Variants in ROBO1 observed in about 807,000 individuals in gnomAD.
ROBO1 encodes roundabout guidance receptor 1.
ROBO1 carries 149 observed loss-of-function variants against 195.9 expected under a neutral mutation model. The ratio of observed to expected loss-of-function variants is 0.76; its 90% CI spans 0.67 to 0.87. ROBO1 has a LOEUF of 0.87. Ranked by LOEUF, ROBO1 falls within the 40% of genes least tolerant of loss-of-function variation. The probability of loss-of-function intolerance (pLI) is 0.00; values close to 1 mark genes in which losing one functional copy is unlikely to be tolerated. For synonymous variants in ROBO1, 816 were observed against 733.2 expected, an observed-to-expected ratio of 1.11 and a Z score of -1.82; for missense variants, 1,933 against 2,068.3, an observed-to-expected ratio of 0.93 and a Z score of 1.27.
chr3:79,682,319 C>T (rs1401500785), intron 1 of ROBO1, among the ~76,000 whole-genome samples: 2 of 151,862 alleles, frequency 1.3e-5, no homozygotes, highest in South Asian at 2.1e-4. Context: ...AGACCTGTGG[C>T]TGCGTAATAT....
At chr3:79,641,081 G>T (rs967118344) in intron 1 of ROBO1, among the ~76,000 whole-genome samples, 2 of 152,034 alleles carry the variant, frequency 1.3e-5, no homozygotes, top group Admixed American at 1.3e-4. Context: ...TATATTTAAG[G>T]AAATTAAGGA....
At chr3:79,486,637 G>A (rs553318715) in intron 2 of ROBO1, among the ~76,000 whole-genome samples, 7 of 152,154 alleles carry the variant, frequency 4.6e-5, no homozygotes, top group East Asian at 1.9e-4. Flanking sequence ...CTAATATTGG[G>A]TTGCCCAGCA....
At chr3:78,882,454 G>A (rs1306051382) in intron 4 of ROBO1, among the ~76,000 whole-genome samples, 1 of 151,922 alleles carries the variant, frequency 6.6e-6, no homozygotes, top group African/African-American at 2.4e-5. Flanking sequence ...TCTCATCTTC[G>A]AGATCACACC....
At chr3:78,605,331 A>G (rs1292306271) in intron 29 of ROBO1, among the ~76,000 whole-genome samples, 1 of 152,148 alleles carries the variant, frequency 6.6e-6, no homozygotes, top group Non-Finnish European at 1.5e-5. Flanking sequence ...CTCTCTAAGT[A>G]TAATCATCCT....
chr3:79,127,992 A>T (rs1381003946), intron 2 of ROBO1, among the ~76,000 whole-genome samples: 1 of 152,066 alleles, frequency 6.6e-6, no homozygotes, highest in East Asian at 1.9e-4. Flanking sequence ...TGCTTTGCTA[A>T]TTTTTTTCTT....
chr3:79,188,856 G>T (rs987037948), intron 2 of ROBO1, among the ~76,000 whole-genome samples: 1 of 151,692 alleles, frequency 6.6e-6, no homozygotes, highest in African/African-American at 2.4e-5. Flanking sequence ...AATATTCAAG[G>T]TAATGGTATT....
intron 1 of ROBO1, among the ~76,000 whole-genome samples, chr3:79,746,920 T>C (rs952436389): frequency 6.6e-6 from 1 of 152,120 alleles, no homozygotes; most frequent in African/African-American, 2.4e-5. Context: ...AATATCATTT[T>C]CTTTGTAAAA....
chr3:79,237,107 G>C (rs138276926), intron 2 of ROBO1, among the ~76,000 whole-genome samples: 1 of 152,118 alleles, frequency 6.6e-6, no homozygotes, highest in African/African-American at 2.4e-5. Flanking sequence ...AGAAAAGCAA[G>C]CAAGTAGAAT....
rs539582556 is a variant in ROBO1, at chr3:79,100,589, A to T, written c.172+24867T>A. Among the ~76,000 whole-genome samples, 5 of 151,854 alleles carry T rather than the reference A, an allele frequency of 3.3e-5. No individual in the cohort carries two copies. In the South Asian group the frequency reaches 1.0e-3, roughly 32 times the overall value. Reference sequence around the variant, plus strand: ...TAGTATGAATTCACGTGATCCTATCATCCTATCTAAATTCGGCCTGACTTT... The same window carrying T: ...TAGTATGAATTCACGTGATCCTATCTTCCTATCTAAATTCGGCCTGACTTT... On this transcript the variant is annotated intron_variant, in intron 3 of 30. Coordinates refer to ENST00000464233, the MANE Select transcript of ROBO1 (RefSeq NM_002941.4).
chr3:79,314,474 T>G (rs2033640822), intron 2 of ROBO1, among the ~76,000 whole-genome samples: 1 of 152,224 alleles, frequency 6.6e-6, no homozygotes, highest in South Asian at 2.1e-4. Flanking sequence ...TGCTGCCGCA[T>G]GTGAAGAAGG....
intron 21 of ROBO1, among the ~76,000 whole-genome samples, chr3:78,643,476 G>A (rs534112311): frequency 1.3e-5 from 2 of 152,078 alleles, no homozygotes; most frequent in Non-Finnish European, 2.9e-5. Flanking sequence ...AGGGTCGCTG[G>A]GTGGGGAGAC....
At chr3:78,720,981 G>A (rs1371545221) in intron 5 of ROBO1, among the ~76,000 whole-genome samples, 1 of 151,048 alleles carries the variant, frequency 6.6e-6, no homozygotes, top group Non-Finnish European at 1.5e-5. Flanking sequence ...ATAGCATTAG[G>A]AGATATACCT....
chr3:79,174,265 A>G (rs1485099220), intron 2 of ROBO1, among the ~76,000 whole-genome samples: 1 of 152,060 alleles, frequency 6.6e-6, no homozygotes, highest in Non-Finnish European at 1.5e-5. Flanking sequence ...TCCTGAAGCC[A>G]GCGAGCCCAC....
intron 2 of ROBO1, among the ~76,000 whole-genome samples, chr3:79,256,478 C>A (rs905473752): frequency 4.6e-5 from 7 of 152,040 alleles, no homozygotes; most frequent in African/African-American, 1.7e-4. Flanking sequence ...TAAGATCTTC[C>A]ATAAATGTGG....
At chr3:79,029,487 A>G (rs2078256838) in intron 3 of ROBO1, among the ~76,000 whole-genome samples, 1 of 152,182 alleles carries the variant, frequency 6.6e-6, no homozygotes, top group South Asian at 2.1e-4. Flanking sequence ...ACAAAGTCTA[A>G]TTAATAAACC....
intron 3 of ROBO1, among the ~76,000 whole-genome samples, chr3:79,124,320 T>C (rs1481845081): frequency 6.6e-6 from 1 of 152,126 alleles, no homozygotes; most frequent in Non-Finnish European, 1.5e-5. Context: ...AATATTAAAG[T>C]TGTTTATAAA....
chr3:79,456,329 G>A (rs951940227), intron 2 of ROBO1, among the ~76,000 whole-genome samples: 1 of 152,026 alleles, frequency 6.6e-6, no homozygotes, highest in African/African-American at 2.4e-5. Context: ...CTAACATCAA[G>A]CCTAACTCAT....
intron 4 of ROBO1, among the ~76,000 whole-genome samples, chr3:78,894,972 T>C (rs1486438405): frequency 6.6e-6 from 1 of 152,234 alleles, no homozygotes; most frequent in East Asian, 1.9e-4. Flanking sequence ...CACTGGCCAT[T>C]GTTCCATTCT....
chr3:78,905,444 C>A (rs571066385), intron 4 of ROBO1, among the ~76,000 whole-genome samples: 1 of 152,076 alleles, frequency 6.6e-6, no homozygotes, highest in African/African-American at 2.4e-5. Context: ...TCAAGATTAG[C>A]CTTTGCAACA....
Sources: allele counts gnomAD v4.1 joint callset (sites outside exome capture counted in the v4.1 genomes callset), GRCh38; gene constraint gnomAD v4.1.1; transcripts MANE v1.5; gene names NCBI Gene and HGNC (gene_info 2026-07-23, HGNC 2026-07-21).